ARHGEF12: variants seen among roughly 807,000 people sequenced by gnomAD.
The protein encoded by ARHGEF12 is Rho guanine nucleotide exchange factor 12, also known as KMT2A/ARHGEF12 fusion protein.
In ARHGEF12, 66 loss-of-function variants were observed where a neutral mutation model predicts 211.2. The observed-to-expected ratio is 0.31, with a 90% CI of 0.26 to 0.38. The LOEUF is 0.38. ARHGEF12 is among the 10% of genes least tolerant of loss of function. ARHGEF12 has a pLI of 1.00. For synonymous variants in ARHGEF12, 592 were observed against 638.4 expected (o/e 0.93, Z 1.09); for missense variants, 1,429 against 1,869.5 (o/e 0.76, Z 4.34).
At chr11:120,466,734 A>G (rs778077457) in intron 28 of ARHGEF12, among the ~76,000 whole-genome samples, 3 of 152,316 alleles carry the variant, frequency 2.0e-5, no homozygotes, top group South Asian at 2.1e-4. Flanking sequence ...AATATTTACT[A>G]TCTGGCATTT....
intron 1 of ARHGEF12, among the ~76,000 whole-genome samples, chr11:120,367,522 T>C (rs548452019): frequency 6.6e-6 from 1 of 151,978 alleles, no homozygotes; most frequent in African/African-American, 2.4e-5. Context: ...CATGCCACCA[T>C]GTCCGGCTAA....
At chr11:120,456,718 G>C (rs922118833) in intron 22 of ARHGEF12, among the ~76,000 whole-genome samples, 2 of 152,120 alleles carry the variant, frequency 1.3e-5, no homozygotes, top group Non-Finnish European at 2.9e-5. Flanking sequence ...TTCTGACCAG[G>C]CATGGTGGCT....
At chr11:120,444,442 T>A (rs1945983845) in intron 15 of ARHGEF12, among the ~76,000 whole-genome samples, 1 of 152,202 alleles carries the variant, frequency 6.6e-6, no homozygotes, top group Non-Finnish European at 1.5e-5. Context: ...AGAAATGAGC[T>A]TTTATTACTT....
chr11:120,352,956 T>A (rs1943028914), intron 1 of ARHGEF12, among the ~76,000 whole-genome samples: 1 of 152,188 alleles, frequency 6.6e-6, no homozygotes, highest in African/African-American at 2.4e-5. Flanking sequence ...TTCTTCCCAC[T>A]CACCTGGAAT....
chr11:120,347,147 C>CTTTCTTT (rs1491449720), intron 1 of ARHGEF12, among the ~76,000 whole-genome samples: 855 of 46,454 alleles, frequency 0.018, 45 homozygotes, highest in Middle Eastern at 0.038. Context: ...TTCCTTCCTT[C>CTTTCTTT]CTTCCTTCCT....
chr11:120,396,338 T>A (rs778486013), intron 1 of ARHGEF12, among the ~76,000 whole-genome samples: 7 of 152,184 alleles, frequency 4.6e-5, no homozygotes, highest in Non-Finnish European at 1.0e-4. Context: ...AGCTTAATCC[T>A]CTCAGATGCT....
chr11:120,370,504 A>G (rs1294276912), intron 1 of ARHGEF12, among the ~76,000 whole-genome samples: 1 of 152,124 alleles, frequency 6.6e-6, no homozygotes. Context: ...AGGTTCCCTT[A>G]AAAGTTTTAT....
At chr11:120,413,421 T>G (rs1167002157) in intron 4 of ARHGEF12, among the ~76,000 whole-genome samples, 2 of 152,190 alleles carry the variant, frequency 1.3e-5, no homozygotes, top group East Asian at 1.9e-4. Context: ...AGACACTCAT[T>G]AAGTGAGTTT....
chr11:120,349,072 T>C (rs1308304718), intron 1 of ARHGEF12, among the ~76,000 whole-genome samples: 1 of 152,108 alleles, frequency 6.6e-6, no homozygotes, highest in Non-Finnish European at 1.5e-5. Context: ...TGTACCTTGG[T>C]TGTATTTTAG....
chr11:120,439,391 T>G (rs1945795517), intron 12 of ARHGEF12: 1 of 152,226 alleles, frequency 6.6e-6, no homozygotes, highest in Non-Finnish European at 1.5e-5. Flanking sequence ...CGTGGACATT[T>G]GACAAATGTC....
In ARHGEF12 at chr11:120,465,297, C is replaced by A. The variant is rs1474365340; in HGVS notation, c.2674C>A (p.Pro892Thr). 2 of 1,614,024 alleles carry A rather than the reference C, an allele frequency of 1.2e-6. No homozygotes were observed. The change falls in exon 28 of 41, where the codon CCT becomes ACT. Residue 892 changes from proline (P) to threonine (T), a missense_variant. Physicochemically the swap from Pro to Thr is conservative, Grantham distance 38. This residue lies in a region of ARHGEF12 where 223 missense variants were observed against 444.6 expected (regional missense o/e 0.50). Transcript: ENST00000397843. ...TGCTGCTACCTTTTGCAGTAACCAA[C>A]CTTTCGCCCTGGAAATGATCAAATC... ...HAAATFCSNQ[P>T]FALEMIKSRQ...
intron 1 of ARHGEF12, among the ~76,000 whole-genome samples, chr11:120,399,203 C>T (rs1349672727): frequency 6.6e-6 from 1 of 150,806 alleles, no homozygotes; most frequent in Non-Finnish European, 1.5e-5. Flanking sequence ...TCCTGTGGTC[C>T]TACCTACTTA....
At chr11:120,481,758 T>A (rs1367827958) in intron 39 of ARHGEF12, among the ~76,000 whole-genome samples, 182 bp downstream of exon 39, 1 of 151,496 alleles carries the variant, frequency 6.6e-6, no homozygotes, top group Non-Finnish European at 1.5e-5. Flanking sequence ...TTTTCTTTCT[T>A]TCTTTTTTTT....
In ARHGEF12 at chr11:120,448,230, C is replaced by G. The variant is rs1272801252; in HGVS notation, c.1623-4C>G. On this transcript the variant is annotated splice_polypyrimidine_tract_variant and splice_region_variant and intron_variant, in intron 19 of 40. Transcript: ENST00000397843. The stretch of plus-strand genomic sequence containing the variant: ...CTTAATTTACTTCGTCCTTTCTCCT[C>G]CAGCTCCACCATGCAGTATGTTATT... The G allele has an allele frequency of 1.2e-6, 2 of 1,604,886 alleles. No individual in the cohort carries two copies. The highest frequency in any genetic ancestry group is 3.4e-5 in the Admixed American group (2 of 59,452).
rs769928432 is a variant in ARHGEF12 at position 120,459,262 on chromosome 11, G to C, written c.2469G>C (p.Leu823=). The C allele has an allele frequency of 1.2e-5, 19 of 1,613,500 alleles. No homozygotes were observed. Among genetic ancestry groups the C allele is most frequent in the Non-Finnish European group, 1.6e-5 (19 of 1,179,818 alleles). ...FYQRVSREGI[L]SPSELRKIFS... is the part of the protein sequence containing the mutation. ...AGCGAGTATCCAGAGAAGGAATTCT[G>C]TCACCCTCAGAGCTACGGAAAATTT... Residue 823 remains leucine, a synonymous_variant, in exon 26 of 41, where the codon CTG becomes CTC. Transcript: ENST00000397843.
intron 1 of ARHGEF12, among the ~76,000 whole-genome samples, chr11:120,394,217 A>G (rs1329366218): frequency 2.6e-5 from 4 of 151,926 alleles, no homozygotes; most frequent in African/African-American, 9.7e-5. Context: ...AATCAATGAC[A>G]TCAGCTTCTT....
intron 4 of ARHGEF12, among the ~76,000 whole-genome samples, chr11:120,419,190 G>T (rs973952924): frequency 1.3e-5 from 2 of 152,008 alleles, no homozygotes; most frequent in Non-Finnish European, 2.9e-5. Context: ...TCGATCTCCT[G>T]ACCTCATGAT....
In ARHGEF12 at chr11:120,337,239, C is replaced by T; in HGVS notation, c.-5C>T. The T allele has an allele frequency of 6.2e-7, 1 of 1,614,028 alleles. No homozygotes were observed. The highest frequency in any genetic ancestry group is 1.1e-5 in the South Asian group (1 of 91,080). On this transcript the variant is annotated 5_prime_UTR_variant, in exon 1 of 41. Coordinates refer to ENST00000397843, the MANE Select transcript of ARHGEF12 (RefSeq NM_015313.3). ...TAAAAGGAGGACCTCTCGCCAAGGG[C>T]CCCAATGAGTGGCACACAGTCTACT...
In ARHGEF12 at chr11:120,480,303, A is replaced by G. The variant is rs1411242435; in HGVS notation, c.4110A>G (p.Pro1370=). The G allele has an allele frequency of 6.2e-7, 1 of 1,614,200 alleles. No individual in the cohort carries two copies. The highest frequency in any genetic ancestry group is 2.2e-5 in the East Asian group (1 of 44,878). The change falls in exon 38 of 41, where the codon CCA becomes CCG. Residue 1370 remains proline, a synonymous_variant. Coordinates refer to ENST00000397843, the MANE Select transcript of ARHGEF12 (RefSeq NM_015313.3). ...IMTPEMPTME[P]EGGLDDSGEH... is the part of the protein sequence containing the mutation. ...CCCCAGAGATGCCTACCATGGAGCC[A>G]GAAGGGGGTCTTGATGACAGTGGAG...
Sources: allele counts gnomAD v4.1 joint callset (sites outside exome capture counted in the v4.1 genomes callset), GRCh38; gene constraint gnomAD v4.1.1; regional missense constraint gnomAD v4.1.1; transcripts MANE v1.5; gene names NCBI Gene and HGNC (gene_info 2026-07-23, HGNC 2026-07-21).